ANKIB1: variants seen among roughly 807,000 people sequenced by gnomAD.
ANKIB1 encodes the protein ankyrin repeat and IBR domain-containing protein 1.
A neutral mutation model predicts 122.1 loss-of-function variants in ANKIB1; 43 were observed. The observed-to-expected ratio is 0.35, with a 90% CI of 0.28 to 0.45. The LOEUF (loss-of-function observed/expected upper bound fraction) is 0.45. Among genes scored for constraint, ANKIB1 ranks in the 20% least tolerant of loss-of-function variants. The probability of loss-of-function intolerance (pLI) is 1.00; values close to 1 mark genes in which losing one functional copy is unlikely to be tolerated. For synonymous variants in ANKIB1, 390 were observed against 442.0 expected (o/e 0.88, Z 1.48); for missense variants, 992 against 1,329.5 (o/e 0.75, Z 3.95).
At chr7:92,380,188 G>A (rs767451561) in intron 11 of ANKIB1, among the ~76,000 whole-genome samples, 1 of 152,220 alleles carries the variant, frequency 6.6e-6, no homozygotes, top group Non-Finnish European at 1.5e-5. Context: ...TGCTGGGGGA[G>A]GGGCATCTGC....
At chr7:92,249,656 G>A (rs978717085) in intron 1 of ANKIB1, among the ~76,000 whole-genome samples, 7 of 151,894 alleles carry the variant, frequency 4.6e-5, no homozygotes, top group African/African-American at 1.7e-4. Flanking sequence ...GGAGGTGGAG[G>A]TTGCAGTGAG....
At chr7:92,377,205 G>A (rs1054507841) in intron 11 of ANKIB1, among the ~76,000 whole-genome samples, 2 of 152,026 alleles carry the variant, frequency 1.3e-5, no homozygotes, top group African/African-American at 4.8e-5. Context: ...GGTCCTTATA[G>A]GGTTCTTAAT....
chr7:92,354,227 C>T (rs1254546550), intron 9 of ANKIB1, among the ~76,000 whole-genome samples: 2 of 152,142 alleles, frequency 1.3e-5, no homozygotes, highest in Non-Finnish European at 2.9e-5. Flanking sequence ...ATAGATGATG[C>T]TATAAACTGT....
At chr7:92,376,398 A>G (rs1353215133) in intron 11 of ANKIB1, among the ~76,000 whole-genome samples, 1 of 151,968 alleles carries the variant, frequency 6.6e-6, no homozygotes. Flanking sequence ...ATAATTTGCC[A>G]CAGCTTCTAC....
At chr7:92,393,729 T>G (rs1804832286) in intron 17 of ANKIB1, among the ~76,000 whole-genome samples, 1 of 152,160 alleles carries the variant, frequency 6.6e-6, no homozygotes, top group Admixed American at 6.5e-5. Flanking sequence ...TAGAAATTAC[T>G]TACTTTTAGT....
intron 5 of ANKIB1, among the ~76,000 whole-genome samples, chr7:92,337,609 A>G (rs936119398): frequency 3.3e-5 from 5 of 152,172 alleles, no homozygotes; most frequent in African/African-American, 7.2e-5. Context: ...ATATTTTGAC[A>G]TTATAATACA....
intron 10 of ANKIB1, among the ~76,000 whole-genome samples, chr7:92,370,793 G>A (rs1443035124): frequency 6.6e-6 from 1 of 152,108 alleles, no homozygotes; most frequent in Admixed American, 6.6e-5. Context: ...CACTGTGCCA[G>A]CAGTGTAGTT....
At chr7:92,328,609 C>G (rs1430533140) in intron 5 of ANKIB1, among the ~76,000 whole-genome samples, 1 of 151,822 alleles carries the variant, frequency 6.6e-6, no homozygotes, top group Admixed American at 6.6e-5. Context: ...AAAGTATTTT[C>G]TGGTTTAAAA....
At chr7:92,291,720 G>A (rs1802255279) in intron 1 of ANKIB1, among the ~76,000 whole-genome samples, 1 of 151,790 alleles carries the variant, frequency 6.6e-6, no homozygotes, top group African/African-American at 2.4e-5. Flanking sequence ...GGTATTACAG[G>A]CACCCGCCAC....
chr7:92,327,583 TGACAA>T (rs1291011632), intron 4 of ANKIB1, among the ~76,000 whole-genome samples, 195 bp from the exon 5 acceptor site: 1 of 152,164 alleles, frequency 6.6e-6, no homozygotes, highest in Non-Finnish European at 1.5e-5. Context: ...TAAGGAATAA[TGACAA>T]GAAGAAAAGT....
At chr7:92,307,711 A>G in intron 3 of ANKIB1, 55 bp downstream of exon 3, 1 of 1,269,366 alleles carries the variant, frequency 7.9e-7, no homozygotes, top group Non-Finnish European at 1.0e-6. Context: ...TCCAGGTGAT[A>G]TGTAACTGTC....
At chr7:92,362,074 G>C in intron 9 of ANKIB1, 111 bp from the exon 10 acceptor site, 1 of 939,542 alleles carries the variant, frequency 1.1e-6, no homozygotes, top group Non-Finnish European at 1.6e-6. Flanking sequence ...GCCTCCCAAA[G>C]TGCTGGGATT....
At chr7:92,373,228 A>G (rs1330235538) in intron 11 of ANKIB1, among the ~76,000 whole-genome samples, 2 of 152,168 alleles carry the variant, frequency 1.3e-5, no homozygotes, top group African/African-American at 2.4e-5. Context: ...CTTATCTCCA[A>G]TGTCCATATC....
rs1013870623 is a variant in ANKIB1 at position 92,246,031 on chromosome 7, C to A, written c.-579C>A. 3.8e-6 allele frequency: 1 copy of A among 265,588 alleles called. No homozygotes were observed. The highest frequency in any genetic ancestry group is 7.3e-6 in the Non-Finnish European group (1 of 136,194). 16.5% of individuals were successfully genotyped at this position (265,588 alleles called of 1,614,324 possible). Reference sequence around the variant, plus strand: ...CCTTTTCACTGGACCTGCAGTCTCTCAGGGGCTGGTGGCAGGCGACTAGGA... The same window carrying A: ...CCTTTTCACTGGACCTGCAGTCTCTAAGGGGCTGGTGGCAGGCGACTAGGA... On this transcript the variant is annotated 5_prime_UTR_variant, in exon 1 of 20. Transcript: ENST00000265742.
At chr7:92,379,631 G>A (rs139531722) in intron 11 of ANKIB1, among the ~76,000 whole-genome samples, 1 of 152,266 alleles carries the variant, frequency 6.6e-6, no homozygotes, top group African/African-American at 2.4e-5. Flanking sequence ...GGAGAAACAT[G>A]AGTTATTTAA....
At chr7:92,356,512 A>G (rs1055449088) in intron 9 of ANKIB1, among the ~76,000 whole-genome samples, 2 of 152,230 alleles carry the variant, frequency 1.3e-5, no homozygotes, top group African/African-American at 4.8e-5. Context: ...TCTGCAGAGT[A>G]GCACATCTGC....
chr7:92,352,592 A>G lies in ANKIB1; in HGVS notation c.1347A>G (p.Pro449=), dbSNP rs757275560. The part of the protein sequence containing the change: ...NTSGSDTLSF[P]LLRAPAVDCG... ...CTGGATCTGATACACTCAGCTTCCCATTGCTGAGAGCTCCTGCTGTTGATT... is the reference window on the plus strand; with the variant it reads ...CTGGATCTGATACACTCAGCTTCCCGTTGCTGAGAGCTCCTGCTGTTGATT... The change falls in exon 9 of 20, where the codon CCA becomes CCG. Residue 449 remains proline (P), a synonymous_variant. Coordinates refer to ENST00000265742, the MANE Select transcript of ANKIB1 (RefSeq NM_019004.2). The G allele has an allele frequency of 2.5e-6, 4 of 1,613,218 alleles. No individual in the cohort carries two copies. Among genetic ancestry groups the G allele is most frequent in the South Asian group, 2.2e-5 (2 of 90,876 alleles).
intron 1 of ANKIB1, among the ~76,000 whole-genome samples, chr7:92,282,250 C>T (rs974698091): frequency 6.6e-6 from 1 of 152,040 alleles, no homozygotes; most frequent in African/African-American, 2.4e-5. Flanking sequence ...GCTCCCCAGG[C>T]TCAAGTGATC....
Position 92,388,035 on chromosome 7 carries a change from A to G in ANKIB1, c.1900A>G (p.Lys634Glu). 2 of 1,565,794 alleles carry G rather than the reference A, an allele frequency of 1.3e-6. No individual in the cohort carries two copies. The highest frequency in any genetic ancestry group is 1.4e-5 in the African/African-American group (1 of 73,740). ...EKMEQLSRALKETEGGCPDTT... is the reference protein window; with the variant it reads ...EKMEQLSRALEETEGGCPDTT... ...GATGGAGCAATTGAGCAGAGCTCTC[A>G]AAGAAAGTAAGTTATAAGTTGTATG... Residue 634 changes from lysine (K) to glutamate (E), a missense_variant, in exon 14 of 20, where the codon AAA becomes GAA. Physicochemically the swap from Lys to Glu is moderately conservative, Grantham distance 56. Around this residue, in one of 4 missense-constraint regions of ANKIB1, gnomAD observed 521 missense variants for 777.7 expected, o/e 0.67. Transcript: ENST00000265742.
Sources: gnomAD v4.1 joint callset for allele counts (sites outside exome capture counted in the v4.1 genomes callset) on GRCh38, gnomAD v4.1.1 for gene constraint, gnomAD v4.1.1 regional missense constraint, MANE v1.5 for transcripts, NCBI Gene and HGNC (gene_info 2026-07-23, HGNC 2026-07-21) for gene names.